SBF1: variants seen among roughly 807,000 people sequenced by gnomAD.
SBF1 encodes SET binding factor 1.
Under a neutral mutation model 215.8 loss-of-function variants are expected in SBF1, and 65 were observed. The ratio of observed to expected loss-of-function variants is 0.30; its 90% CI spans 0.25 to 0.37. The LOEUF is 0.37. Among genes scored for constraint, SBF1 ranks in the 10% least tolerant of loss-of-function variants. The pLI is 1.00. For synonymous variants in SBF1, 1,410 were observed against 1,122.8 expected, an observed-to-expected ratio of 1.26 and a Z score of -5.11; for missense variants, 2,634 against 2,667.8, an observed-to-expected ratio of 0.99 and a Z score of 0.28.
At chr22:50,469,907 C>G (rs899879596) in intron 1 of SBF1, among the ~76,000 whole-genome samples, 1 of 152,188 alleles carries the variant, frequency 6.6e-6, no homozygotes, top group Non-Finnish European at 1.5e-5. Flanking sequence ...CCAAGGAAGT[C>G]GGCAGTGGGC....
intron 36 of SBF1, among the ~76,000 whole-genome samples, chr22:50,451,524 G>C (rs77003593): frequency 0.076 from 11,544 of 152,250 alleles, 929 homozygotes; most frequent in East Asian, 0.43. Flanking sequence ...CAGAAGGAAA[G>C]GGAGAGATCA....
At chr22:50,471,084 T>C in intron 1 of SBF1, among the ~76,000 whole-genome samples, 1 of 152,138 alleles carries the variant, frequency 6.6e-6, no homozygotes, top group East Asian at 1.9e-4. Flanking sequence ...GTGCTGCCTT[T>C]ACCTCAGAAT....
Position 50,463,372 on chromosome 22 carries a change from C to G in SBF1, c.1810G>C (p.Glu604Gln). The G allele has an allele frequency of 6.2e-7, 1 of 1,606,968 alleles. No individual in the cohort carries two copies. Among genetic ancestry groups the G allele is most frequent in the Non-Finnish European group, 8.5e-7 (1 of 1,176,320 alleles). The change falls in exon 16 of 41, where the codon GAG (glutamate) becomes CAG (glutamine). Residue 604 changes from glutamate (E) to glutamine (Q), a missense_variant. Coordinates refer to ENST00000380817, the MANE Select transcript of SBF1 (RefSeq NM_002972.4). Reference protein sequence around the residue: ...GRAARRCLAQELHLHVQQNRA... With the variant: ...GRAARRCLAQQLHLHVQQNRA... ...TTCTGCTGCACATGCAGGTGCAGCT[C>G]CTGGGCGAGGCAGCGGCGGGCAGCT...
intron 9 of SBF1, 38 bp downstream of exon 9, chr22:50,465,922 AG>A (rs775990832): frequency 1.9e-6 from 3 of 1,610,430 alleles, no homozygotes; most frequent in East Asian, 2.2e-5. Flanking sequence ...CACATCCCAA[AG>A]GCCCCCAAGG....
At position 50,455,077 on chromosome 22, in the gene SBF1, G is replaced by C; in HGVS notation, c.4620C>G (p.His1540Gln). ...AGGTCCGGAAACGGCGGGACACATG[G>C]TGGTAGCCGAGGAACTTGAGGTAGA... Reference protein sequence around the residue: ...SQFYLKFLGYHHVSRRFRTFL... With the variant: ...SQFYLKFLGYQHVSRRFRTFL... Residue 1540 changes from histidine (H) to glutamine (Q), a missense_variant, in exon 34 of 41, where the codon CAC becomes CAG. Physicochemically the swap from His to Gln is conservative, Grantham distance 24. Coordinates refer to ENST00000380817, the MANE Select transcript of SBF1 (RefSeq NM_002972.4). The C allele has an allele frequency of 6.2e-7, 1 of 1,614,126 alleles. No homozygotes were observed. Among genetic ancestry groups the C allele is most frequent in the Non-Finnish European group, 8.5e-7 (1 of 1,180,036 alleles).
chr22:50,452,891 C>G (rs2067103488), intron 36 of SBF1, among the ~76,000 whole-genome samples: 3 of 151,814 alleles, frequency 2.0e-5, no homozygotes, highest in Admixed American at 1.3e-4. Context: ...ATGATTATAG[C>G]CCCCAGCAAC....
intron 28 of SBF1, among the ~76,000 whole-genome samples, chr22:50,458,270 A>C (rs570727630): frequency 7.0e-6 from 1 of 142,444 alleles, no homozygotes; most frequent in South Asian, 2.2e-4. Context: ...GCACCACCGC[A>C]CTCCAGCGTG....
In SBF1 at chr22:50,446,686, G is replaced by T; in HGVS notation, c.*456C>A. 1 of 390,414 alleles carries T rather than the reference G, an allele frequency of 2.6e-6. No homozygotes were observed. The highest frequency in any genetic ancestry group is 1.9e-5 in the South Asian group (1 of 52,032). The allele number at this position is 390,414 out of a possible 1,614,324, so 24.2% of individuals were successfully genotyped here. On this transcript the variant is annotated 3_prime_UTR_variant, in exon 41 of 41. Coordinates refer to ENST00000380817, the MANE Select transcript of SBF1 (RefSeq NM_002972.4). ...CGAGCTGGGTGGACCCAGGCACCAG[G>T]AGAGGCTCACGAGAAAGATGCCAAC...
chr22:50,465,532 T>G (rs1448923575), intron 10 of SBF1, among the ~76,000 whole-genome samples: 1 of 152,198 alleles, frequency 6.6e-6, no homozygotes, highest in Non-Finnish European at 1.5e-5. Context: ...CAAGGGCTCC[T>G]GTGATCAGAC....
chr22:50,464,795 C>A, intron 13 of SBF1, 24 bp downstream of exon 13: 1 of 1,612,924 alleles, frequency 6.2e-7, no homozygotes, highest in Non-Finnish European at 8.5e-7. Context: ...GGTACGACGC[C>A]CTCCCGTCCT....
Position 50,455,587 on chromosome 22 carries a change from A to T in SBF1, c.4267-5T>A. The T allele has an allele frequency of 6.4e-7, 1 of 1,565,794 alleles. No homozygotes were observed. Among genetic ancestry groups the T allele is most frequent in the Non-Finnish European group, 8.7e-7 (1 of 1,155,280 alleles). Reference sequence around the variant, plus strand: ...CACCTGCAGCAGCTTGTGGATCTGCAGGGACAGGCGGCCTCAGCACCTCGG... The same window carrying T: ...CACCTGCAGCAGCTTGTGGATCTGCTGGGACAGGCGGCCTCAGCACCTCGG... On this transcript the variant is annotated splice_region_variant and splice_polypyrimidine_tract_variant and intron_variant, in intron 31 of 40. Coordinates refer to ENST00000380817, the MANE Select transcript of SBF1 (RefSeq NM_002972.4).
Position 50,464,498 on chromosome 22 carries a change from C to T in SBF1, c.1636+36G>A, listed in dbSNP as rs115435450. 2,208 of 1,602,032 alleles carry T rather than the reference C, an allele frequency of 1.4e-3. 12 individuals are homozygous for T. In the African/African-American group the frequency reaches 0.016, roughly 12 times the overall value. Reference sequence around the variant, plus strand: ...CTGACCCCACGCCCATCCTGGGCCACGCTCGGGGCCTGCCTTCCCCTCCCT... The same window carrying T: ...CTGACCCCACGCCCATCCTGGGCCATGCTCGGGGCCTGCCTTCCCCTCCCT... On this transcript the variant is annotated intron_variant, in intron 14 of 40. Coordinates refer to ENST00000380817, the MANE Select transcript of SBF1 (RefSeq NM_002972.4).
In SBF1 at chr22:50,461,197, G is replaced by A. The variant is rs2067493976; in HGVS notation, c.2929C>T (p.Leu977=). ...GAGCGCAGCTGGAGCCCGTCCTGCA[G>A]GAGCTGGTCCACAGGGGTCTGGACG... ...ISVQTPVDQL[L]QDGLQLRSCT... The change falls in exon 23 of 41, where the codon CTG becomes TTG. Residue 977 remains leucine, a synonymous_variant. Coordinates refer to ENST00000380817, the MANE Select transcript of SBF1 (RefSeq NM_002972.4). The A allele has an allele frequency of 2.5e-6, 4 of 1,610,768 alleles. No individual in the cohort carries two copies. The highest frequency in any genetic ancestry group is 1.7e-6 in the Non-Finnish European group (2 of 1,178,252).
chr22:50,457,161 T>C (rs2067288532), intron 28 of SBF1, 50 bp from the exon 29 acceptor site: 2 of 1,398,206 alleles, frequency 1.4e-6, no homozygotes, highest in African/African-American at 1.5e-5. Context: ...GGCCTGGGCG[T>C]GCCCAGCTTG....
intron 28 of SBF1, among the ~76,000 whole-genome samples, chr22:50,457,709 C>G (rs1295862090): frequency 6.6e-6 from 1 of 152,258 alleles, no homozygotes; most frequent in Non-Finnish European, 1.5e-5. Flanking sequence ...GACGACGTGG[C>G]CTGAAGGCAC....
In SBF1 at chr22:50,472,374, C is replaced by T. The variant is rs879663932; in HGVS notation, c.55+2412G>A. 7.2e-5 allele frequency among the ~76,000 whole-genome samples: 11 copies of T among 152,288 alleles called. No homozygotes were observed. In the East Asian group the frequency reaches 7.7e-4, roughly 11 times the overall value. ...CAGATCCAGGCCAAGACAAGCTATC[C>T]GCCAATCCTAATCCCCAACCCAAGA... On this transcript the variant is annotated intron_variant, in intron 1 of 40. Coordinates refer to ENST00000380817, the MANE Select transcript of SBF1 (RefSeq NM_002972.4).
At chr22:50,457,512 G>A (rs2067302772) in intron 28 of SBF1, among the ~76,000 whole-genome samples, 1 of 152,254 alleles carries the variant, frequency 6.6e-6, no homozygotes, top group African/African-American at 2.4e-5. Context: ...TGAGCATGTA[G>A]ACGCCTCTGT....
rs900202772 is a variant in SBF1 at position 50,466,489 on chromosome 22, G to A, written c.656-7C>T. 50 of 1,540,474 alleles carry A rather than the reference G, an allele frequency of 3.2e-5. No individual in the cohort carries two copies. The highest frequency in any genetic ancestry group is 4.4e-5 in the Non-Finnish European group (50 of 1,139,358). ...GACAGCACGTTGGTGATGCCTAAAG[G>A]AAGAAGAGAAGCTTGGAGAGGACCC... On this transcript the variant is annotated splice_polypyrimidine_tract_variant and splice_region_variant and intron_variant, in intron 6 of 40. Coordinates refer to ENST00000380817, the MANE Select transcript of SBF1 (RefSeq NM_002972.4).
Position 50,447,209 on chromosome 22 carries a change from C to T in SBF1, c.5615G>A (p.Cys1872Tyr), listed in dbSNP as rs1390298395. The T allele has an allele frequency of 6.2e-7, 1 of 1,613,920 alleles. No individual in the cohort carries two copies. Among genetic ancestry groups the T allele is most frequent in the Non-Finnish European group, 8.5e-7 (1 of 1,179,990 alleles). ...CTGGGCCGAGGGCACGTCCTGGGCA[C>T]AGAAGTTGTAAACGCGACGCGTTGT... Reference protein sequence around the residue: ...VKTTRRVYNFCAQDVPSAQQW... With the variant: ...VKTTRRVYNFYAQDVPSAQQW... Residue 1872 changes from cysteine to tyrosine, a missense_variant, in exon 41 of 41, where the codon TGT (cysteine) becomes TAT (tyrosine). By Grantham distance (194) the Cys-to-Tyr change is radical. Transcript: ENST00000380817.
Sources: gnomAD v4.1 joint callset for allele counts (sites outside exome capture counted in the v4.1 genomes callset) on GRCh38, gnomAD v4.1.1 for gene constraint, MANE v1.5 for transcripts, NCBI Gene and HGNC (gene_info 2026-07-23, HGNC 2026-07-21) for gene names.